CHCHD6: variants seen among roughly 807,000 people sequenced by gnomAD.
CHCHD6 encodes the protein MICOS complex subunit MIC25.
Under a neutral mutation model 32.3 loss-of-function variants are expected in CHCHD6, and 28 were observed. The ratio of observed to expected loss-of-function variants is 0.87; its 90% CI spans 0.64 to 1.19. CHCHD6 has a LOEUF of 1.19. CHCHD6 is among the 50% of genes most tolerant of loss of function. The pLI is 0.00. For synonymous variants in CHCHD6, 122 were observed against 117.5 expected (o/e 1.04, Z -0.25); for missense variants, 333 against 307.0 (o/e 1.08, Z -0.63).
chr3:126,911,623 C>A (rs1202528584), intron 5 of CHCHD6, among the ~76,000 whole-genome samples: 1 of 152,248 alleles, frequency 6.6e-6, no homozygotes, highest in Admixed American at 6.5e-5. Context: ...GAAGCTGCAG[C>A]AGGGTAATCA....
intron 7 of CHCHD6, among the ~76,000 whole-genome samples, chr3:126,959,679 G>A (rs1408516729): frequency 6.6e-6 from 1 of 152,206 alleles, no homozygotes; most frequent in East Asian, 1.9e-4. Flanking sequence ...CCCAGAGCCT[G>A]GCACCTGCCT....
intron 5 of CHCHD6, among the ~76,000 whole-genome samples, chr3:126,855,106 TC>T (rs1488877196): frequency 1.3e-5 from 2 of 152,250 alleles, no homozygotes; most frequent in Non-Finnish European, 2.9e-5. Context: ...GAGTAATTGT[TC>T]CTCACAGCCA....
At chr3:126,959,548 G>T (rs1246724269) in intron 7 of CHCHD6, among the ~76,000 whole-genome samples, 1 of 152,236 alleles carries the variant, frequency 6.6e-6, no homozygotes, top group African/African-American at 2.4e-5. Context: ...TATGCAAGGG[G>T]CCAAACAGCA....
intron 4 of CHCHD6, among the ~76,000 whole-genome samples, chr3:126,768,644 C>T (rs1253759816): frequency 2.0e-5 from 3 of 152,136 alleles, no homozygotes; most frequent in African/African-American, 7.2e-5. Context: ...GGGAATCTCG[C>T]CACATTTTCC....
At chr3:126,889,980 T>C (rs2077733664) in intron 5 of CHCHD6, among the ~76,000 whole-genome samples, 1 of 120,796 alleles carries the variant, frequency 8.3e-6, no homozygotes, top group Non-Finnish European at 1.6e-5. Flanking sequence ...CTGACAGCGT[T>C]GACGGGCTTT....
At chr3:126,906,507 C>T (rs973980090) in intron 5 of CHCHD6, among the ~76,000 whole-genome samples, 1 of 152,216 alleles carries the variant, frequency 6.6e-6, no homozygotes, top group African/African-American at 2.4e-5. Context: ...CTTCCGACAG[C>T]GCTCATCTTG....
Position 126,800,282 on chromosome 3 carries a change from G to A in CHCHD6, c.412-52365G>A, listed in dbSNP as rs76345631. On this transcript the variant is annotated intron_variant, in intron 4 of 7. Coordinates refer to ENST00000290913, the MANE Select transcript of CHCHD6 (RefSeq NM_032343.3). ...TGAACATACCATTTCCCTTTGCTCT[G>A]TCCCCAAGCCCAATTAAAAGGAGAG... Among the ~76,000 whole-genome samples the A allele has an allele frequency of 9.9e-3, 1,515 of 152,274 alleles. 20 individuals carry two copies. The highest frequency in any genetic ancestry group is 0.034 in the African/African-American group (1,410 of 41,546).
intron 4 of CHCHD6, among the ~76,000 whole-genome samples, chr3:126,794,263 A>T (rs985536658): frequency 5.3e-5 from 8 of 149,644 alleles, no homozygotes; most frequent in Admixed American, 1.3e-4. Context: ...TTTTGTTCCA[A>T]ACTATCATTT....
Position 126,707,688 on chromosome 3 carries a change from C to T in CHCHD6, c.87+3289C>T, listed in dbSNP as rs73199883. Among the ~76,000 whole-genome samples the T allele has an allele frequency of 9.1e-3, 1,392 of 152,326 alleles. 12 individuals carry two copies. Among genetic ancestry groups the T allele is most frequent in the Middle Eastern group, 0.017 (5 of 294 alleles). ...TTGCATGTTCCCAGAGTCATTATCC[C>T]CTCCAGGCTTGATCAACTTTACCGT... On this transcript the variant is annotated intron_variant, in intron 1 of 7. Coordinates refer to ENST00000290913, the MANE Select transcript of CHCHD6 (RefSeq NM_032343.3).
chr3:126,864,079 A>G (rs1331743814), intron 5 of CHCHD6, among the ~76,000 whole-genome samples: 2 of 136,562 alleles, frequency 1.5e-5, no homozygotes, highest in Non-Finnish European at 3.1e-5. Context: ...CCCCACAATC[A>G]CCACCTCCTC....
At chr3:126,788,592 G>T (rs1399561456) in intron 4 of CHCHD6, among the ~76,000 whole-genome samples, 1 of 152,152 alleles carries the variant, frequency 6.6e-6, no homozygotes, top group Non-Finnish European at 1.5e-5. Flanking sequence ...ATTTCTTCTA[G>T]ATTTTCTAGT....
At chr3:126,830,387 C>T (rs972550375) in intron 4 of CHCHD6, among the ~76,000 whole-genome samples, 2 of 152,198 alleles carry the variant, frequency 1.3e-5, no homozygotes, top group Admixed American at 6.5e-5. Flanking sequence ...CATTTTTAGC[C>T]AGGCTTTCAC....
At chr3:126,769,892 G>A (rs1937513383) in intron 4 of CHCHD6, among the ~76,000 whole-genome samples, 1 of 152,188 alleles carries the variant, frequency 6.6e-6, no homozygotes, top group Non-Finnish European at 1.5e-5. Context: ...AATTTGATAG[G>A]AATAGCATTG....
chr3:126,766,756 G>A, intron 4 of CHCHD6: 1 of 1,142,630 alleles, frequency 8.8e-7, no homozygotes, highest in Non-Finnish European at 1.3e-6. Flanking sequence ...AGATTCACGG[G>A]AGGTGTTGGT....
intron 5 of CHCHD6, among the ~76,000 whole-genome samples, chr3:126,890,953 G>A (rs563975909): frequency 2.8e-4 from 42 of 152,316 alleles, no homozygotes; most frequent in Admixed American, 2.6e-4. Flanking sequence ...CAGTGAAGAA[G>A]GATGTGAGAG....
rs9866669 is a variant in CHCHD6, at chr3:126,847,204, G to A, written c.412-5443G>A. On this transcript the variant is annotated intron_variant, in intron 4 of 7. Transcript: ENST00000290913. ...CTGGGTGCCTCTGCCCTAAGGTCTT[G>A]TAGTCAAGGTATCTGCCGGGGCTGC... Among the ~76,000 whole-genome samples the A allele has an allele frequency of 2.0e-5, 3 of 152,226 alleles. 1 individual carries two copies.
chr3:126,771,617 G>A (rs1343746298), intron 4 of CHCHD6, among the ~76,000 whole-genome samples: 1 of 152,090 alleles, frequency 6.6e-6, no homozygotes, highest in Non-Finnish European at 1.5e-5. Context: ...ATTTCGTATG[G>A]TTTTTAATGT....
chr3:126,826,701 A>T (rs915949242), intron 4 of CHCHD6, among the ~76,000 whole-genome samples: 1 of 152,200 alleles, frequency 6.6e-6, no homozygotes, highest in Non-Finnish European at 1.5e-5. Context: ...CTAATAATAA[A>T]AGTGGAGACT....
At chr3:126,839,076 G>A (rs1940971193) in intron 4 of CHCHD6, among the ~76,000 whole-genome samples, 1 of 151,734 alleles carries the variant, frequency 6.6e-6, no homozygotes, top group South Asian at 2.1e-4. Context: ...TAATAGTAGA[G>A]ATAAGGTCTC....
Sources: gnomAD v4.1 joint callset for allele counts (sites outside exome capture counted in the v4.1 genomes callset) on GRCh38, gnomAD v4.1.1 for gene constraint, MANE v1.5 for transcripts, NCBI Gene and HGNC (gene_info 2026-07-23, HGNC 2026-07-21) for gene names.